Variants in PDE10A observed in about 807,000 individuals in gnomAD.
PDE10A encodes cAMP and cAMP-inhibited cGMP 3',5'-cyclic phosphodiesterase 10A.
Under a neutral mutation model 97.7 loss-of-function variants are expected in PDE10A, and 39 were observed. That is an observed-to-expected ratio of 0.40 (90% CI 0.31 to 0.52). PDE10A has a LOEUF of 0.52. Among genes scored for constraint, PDE10A ranks in the 20% least tolerant of loss-of-function variants. The probability of loss-of-function intolerance (pLI) is 0.56; values close to 1 mark genes in which losing one functional copy is unlikely to be tolerated. For missense variants in PDE10A, 731 were observed against 1,047.8 expected (o/e 0.70, Z 4.17); for synonymous variants, 371 against 376.8 (o/e 0.98, Z 0.18).
At chr6:165,451,206 C>T (rs568905080) in intron 3 of PDE10A, among the ~76,000 whole-genome samples, 7 of 152,294 alleles carry the variant, frequency 4.6e-5, no homozygotes, top group Admixed American at 1.3e-4. Context: ...AGCAGCCCCA[C>T]AGCATGTCCA....
intron 1 of PDE10A, among the ~76,000 whole-genome samples, chr6:165,856,354 G>A (rs1025349300): frequency 2.0e-5 from 3 of 152,184 alleles, no homozygotes; most frequent in African/African-American, 7.2e-5. Context: ...CAGCCCTTCT[G>A]GTAGAAGGTC....
At chr6:165,782,479 C>T (rs1176738776) in intron 1 of PDE10A, among the ~76,000 whole-genome samples, 1 of 152,172 alleles carries the variant, frequency 6.6e-6, no homozygotes, top group Non-Finnish European at 1.5e-5. Flanking sequence ...CGGCTGAGTG[C>T]ACGGCAGTTC....
chr6:165,502,725 G>A (rs947683712), intron 2 of PDE10A, among the ~76,000 whole-genome samples: 3 of 152,168 alleles, frequency 2.0e-5, no homozygotes, highest in Non-Finnish European at 1.5e-5. Flanking sequence ...CAAACATCAT[G>A]CTAGGTGAGA....
At chr6:165,536,164 A>G (rs1337699557) in intron 2 of PDE10A, among the ~76,000 whole-genome samples, 2 of 151,966 alleles carry the variant, frequency 1.3e-5, no homozygotes, top group African/African-American at 4.8e-5. Context: ...ATAAATCCAT[A>G]TTTTTTAGTC....
chr6:165,973,424 A>AT (rs1562336324), intron 1 of PDE10A, among the ~76,000 whole-genome samples: 1 of 145,346 alleles, frequency 6.9e-6, no homozygotes, highest in African/African-American at 2.7e-5. Flanking sequence ...AAAAAAAAAA[A>AT]AAATAAAATA....
intron 2 of PDE10A, among the ~76,000 whole-genome samples, chr6:165,486,399 C>T (rs1462358481): frequency 2.6e-5 from 4 of 152,120 alleles, no homozygotes; most frequent in Non-Finnish European, 5.9e-5. Flanking sequence ...TCAAACAGGT[C>T]GCTTCTGTAT....
At chr6:165,840,794 C>G (rs1780238581) in intron 1 of PDE10A, among the ~76,000 whole-genome samples, 1 of 152,128 alleles carries the variant, frequency 6.6e-6, no homozygotes. Context: ...ATATTACATG[C>G]AATATAAATG....
Position 165,911,310 on chromosome 6 carries a change from T to C in PDE10A, c.-615+76219A>G, listed in dbSNP as rs1175342403. 4.6e-5 allele frequency among the ~76,000 whole-genome samples: 7 copies of C among 152,300 alleles called. 1 individual carries two copies. The East Asian group carries it at 1.3e-3, about 29-fold the overall frequency. On this transcript the variant is annotated intron_variant, in intron 1 of 19. Coordinates refer to the PDE10A transcript ENST00000366882. ...TTTATTGCATTGTTCTGTGAATAGTTCCCCAAAGGGCAGCATTCCTAAAAT... is the reference window on the plus strand; with the variant it reads ...TTTATTGCATTGTTCTGTGAATAGTCCCCCAAAGGGCAGCATTCCTAAAAT...
intron 5 of PDE10A, among the ~76,000 whole-genome samples, chr6:165,445,074 G>C (rs1790745787): frequency 6.6e-6 from 1 of 152,010 alleles, no homozygotes; most frequent in African/African-American, 2.4e-5. Flanking sequence ...CAATTATGTA[G>C]ACTATGCTGT....
intron 1 of PDE10A, among the ~76,000 whole-genome samples, chr6:165,839,205 T>A (rs569726253): frequency 5.3e-5 from 8 of 152,246 alleles, no homozygotes; most frequent in Non-Finnish European, 8.8e-5. Context: ...ATAGAATTGA[T>A]GAGTTAATAT....
At chr6:165,954,633 G>A (rs1041205418) in intron 1 of PDE10A, among the ~76,000 whole-genome samples, 1 of 152,124 alleles carries the variant, frequency 6.6e-6, no homozygotes, top group East Asian at 1.9e-4. Flanking sequence ...CACCACCTGT[G>A]CCGACTCCAG....
intron 3 of PDE10A, among the ~76,000 whole-genome samples, chr6:165,464,380 C>T (rs1778513904): frequency 6.6e-6 from 1 of 152,184 alleles, no homozygotes; most frequent in African/African-American, 2.4e-5. Context: ...GTAATTACCT[C>T]ACCCAACATG....
chr6:165,573,893 C>T (rs994290709), intron 1 of PDE10A, among the ~76,000 whole-genome samples: 1 of 152,166 alleles, frequency 6.6e-6, no homozygotes. Context: ...AGACTGTGTG[C>T]GTCAGCCGGC....
At chr6:165,600,089 C>T (rs1786851249) in intron 1 of PDE10A, among the ~76,000 whole-genome samples, 1 of 152,196 alleles carries the variant, frequency 6.6e-6, no homozygotes, top group African/African-American at 2.4e-5. Flanking sequence ...TCACACACCC[C>T]TCCCCAGCCA....
At chr6:165,763,720 G>A (rs2128458453) in intron 1 of PDE10A, among the ~76,000 whole-genome samples, 1 of 152,314 alleles carries the variant, frequency 6.6e-6, no homozygotes, top group East Asian at 1.9e-4. Context: ...GCAGCATCTG[G>A]TCATGCTGAT....
rs1782569274 is a variant in PDE10A, at chr6:165,915,155, G to GA, written c.-615+72373dup. Among the ~76,000 whole-genome samples the GA allele has an allele frequency of 5.3e-5, 8 of 152,170 alleles. No homozygotes were observed. In the South Asian group the frequency reaches 1.7e-3, roughly 32 times the overall value. ...CAAAACCAATTTTCTTTCATGAATG[G>GA]AAAATGCGTCGTCAAACTGCTTGTG... is the stretch of plus-strand genomic sequence containing the variant. On this transcript the variant is annotated intron_variant, in intron 1 of 19. Coordinates refer to the PDE10A transcript ENST00000366882.
intron 1 of PDE10A, among the ~76,000 whole-genome samples, chr6:165,926,692 CCCAATGCTCAG>C (rs149847483): frequency 0.14 from 21,880 of 152,090 alleles, 1,792 homozygotes; most frequent in East Asian, 0.26. Flanking sequence ...CCCAATCCCA[CCCAATGCTCAG>C]CATCAAAGAC....
intron 1 of PDE10A, among the ~76,000 whole-genome samples, chr6:165,777,425 C>T (rs1424770744): frequency 6.6e-6 from 1 of 152,188 alleles, no homozygotes; most frequent in African/African-American, 2.4e-5. Flanking sequence ...GGAACTGGCC[C>T]TAACAAGGGC....
chr6:165,577,638 C>T (rs1296485496), intron 1 of PDE10A, among the ~76,000 whole-genome samples: 2 of 152,208 alleles, frequency 1.3e-5, no homozygotes, highest in East Asian at 1.9e-4. Context: ...ACTCTTGGAG[C>T]TCCCCACACG....
Sources: allele counts gnomAD v4.1 joint callset (sites outside exome capture counted in the v4.1 genomes callset), GRCh38; gene constraint gnomAD v4.1.1; transcripts MANE v1.5; gene names NCBI Gene and HGNC (gene_info 2026-07-23, HGNC 2026-07-21).